BMP1: variants seen among roughly 807,000 people sequenced by gnomAD.
BMP1 encodes the protein mammalian tolloid protein.
BMP1 carries 63 observed loss-of-function variants against 116.8 expected under a neutral mutation model. That is an observed-to-expected ratio of 0.54 (90% CI 0.44 to 0.67). The LOEUF is 0.67. Among genes scored for constraint, BMP1 ranks in the 30% least tolerant of loss-of-function variants. BMP1 has a pLI of 0.00. For missense variants in BMP1, 1,183 were observed against 1,358.9 expected (o/e 0.87, Z 2.04); for synonymous variants, 536 against 533.4 (o/e 1.00, Z -0.07).
Position 22,180,503 on chromosome 8 carries a change from C to T in BMP1, c.1077+20C>T. The T allele has an allele frequency of 6.2e-7, 1 of 1,605,554 alleles. No individual in the cohort carries two copies. On this transcript the variant is annotated intron_variant, in intron 8 of 19. Transcript: ENST00000306385. ...GAGAAGGTACGTGTGGGCTCAGCCT[C>T]TGAGCCTCCCCCTCCCCTGCGGGTC...
rs372422280 is a variant in BMP1 at position 22,211,590 on chromosome 8, C to T, written c.2827-4C>T. 1.5e-4 allele frequency: 246 copies of T among 1,614,162 alleles called. No individual in the cohort carries two copies. The African/African-American group carries it at 2.8e-3, about 18-fold the overall frequency. On this transcript the variant is annotated splice_polypyrimidine_tract_variant and splice_region_variant and intron_variant, in intron 19 of 19. Coordinates refer to ENST00000306385, the MANE Select transcript of BMP1 (RefSeq NM_006129.5). The stretch of plus-strand genomic sequence containing the variant: ...CACCTTACCCCATCTCTTTTCTCTG[C>T]CAGCCTCCTGAGGAGGTGTACTCGG...
Position 22,206,871 on chromosome 8 carries a change from G to T in BMP1, c.2251G>T (p.Val751Leu). Residue 751 changes from valine (V) to leucine (L), a missense_variant, in exon 17 of 20, where the codon GTG becomes TTG. Val to Leu is a conservative substitution (Grantham distance 32). Transcript: ENST00000306385. ...CCCTGCAGCCGGCTGTGACCACAAG[G>T]TGACATCCACCAGTGGTACCATCAC... ...DCKEAGCDHK[V>L]TSTSGTITSP... The T allele has an allele frequency of 6.2e-7, 1 of 1,614,156 alleles. No individual in the cohort carries two copies. The highest frequency in any genetic ancestry group is 8.5e-7 in the Non-Finnish European group (1 of 1,180,010).
chr8:22,193,932 T>G, intron 9 of BMP1, 126 bp from the exon 10 acceptor site: 1 of 773,384 alleles, frequency 1.3e-6, no homozygotes, highest in Non-Finnish European at 2.2e-6. Context: ...GTATACAGTC[T>G]TGGGAATGTG....
chr8:22,207,728 C>T (rs376686480), intron 18 of BMP1, among the ~76,000 whole-genome samples: 89 of 152,130 alleles, frequency 5.9e-4, no homozygotes, highest in Non-Finnish European at 1.6e-4. Flanking sequence ...GCAGTGATGA[C>T]GATGGACAGG....
At chr8:22,201,541 G>A in intron 15 of BMP1, 1 of 1,415,122 alleles carries the variant, frequency 7.1e-7, no homozygotes, top group Non-Finnish European at 9.2e-7. Flanking sequence ...AGCAGGTAAT[G>A]GTGACCCATG....
intron 15 of BMP1, chr8:22,201,156 C>A (rs1319039923): frequency 6.2e-7 from 1 of 1,613,556 alleles, no homozygotes. Context: ...GGGACGCCCC[C>A]ACCAGCTCAA....
At chr8:22,184,913 G>C (rs1444407471) in intron 8 of BMP1, among the ~76,000 whole-genome samples, 1 of 152,226 alleles carries the variant, frequency 6.6e-6, no homozygotes, top group Non-Finnish European at 1.5e-5. Context: ...TTTGGCTGTG[G>C]GGAAGTTGTT....
At chr8:22,201,192 A>G (rs1829252902) in intron 15 of BMP1, 1 of 1,607,494 alleles carries the variant, frequency 6.2e-7, no homozygotes, top group South Asian at 1.1e-5. Context: ...AAGAAACCGG[A>G]CCCCCCAGTG....
In BMP1 at chr8:22,179,403, T is replaced by C. The variant is rs1828547155; in HGVS notation, c.837-302T>C. Among the ~76,000 whole-genome samples, 1 of 152,116 alleles carries C rather than the reference T, an allele frequency of 6.6e-6. No individual in the cohort carries two copies. The highest frequency in any genetic ancestry group is 6.5e-5 in the Admixed American group (1 of 15,288). On this transcript the variant is annotated intron_variant, in intron 6 of 19. Transcript: ENST00000306385. This position sits in a 1 kb window ranked among gnomAD's most constrained non-coding sequence, Gnocchi z 4.6. ...CTGTAGCTTTCCTGGGGCTGGGAGTTGTGGCCAGCCTGAGCTGGGAGCACC... is the reference window on the plus strand; with the variant it reads ...CTGTAGCTTTCCTGGGGCTGGGAGTCGTGGCCAGCCTGAGCTGGGAGCACC...
chr8:22,207,556 C>A, intron 18 of BMP1, 40 bp downstream of exon 18: 1 of 1,601,876 alleles, frequency 6.2e-7, no homozygotes, highest in South Asian at 1.1e-5. Flanking sequence ...TGAGCCTGGT[C>A]TCCAAGACTG....
chr8:22,165,832 G>C (rs896022124), intron 1 of BMP1, among the ~76,000 whole-genome samples: 2 of 151,668 alleles, frequency 1.3e-5, no homozygotes, highest in Non-Finnish European at 2.9e-5. Context: ...CGGCGGGCAA[G>C]GCGGCTTTTC....
At position 22,186,462 on chromosome 8, in the gene BMP1, G is replaced by A. The variant is rs1410560648; in HGVS notation, c.1078-5587G>A. On this transcript the variant is annotated intron_variant, in intron 8 of 19. Coordinates refer to ENST00000306385, the MANE Select transcript of BMP1 (RefSeq NM_006129.5). The stretch of plus-strand genomic sequence containing the variant: ...AACCTCTCTGTGCCTTTGTTTCCCC[G>A]TCTATCTATATATATATTTTTTTGA... 1.3e-5 allele frequency among the ~76,000 whole-genome samples: 2 copies of A among 151,970 alleles called. 1 individual carries two copies. The highest frequency in any genetic ancestry group is 4.2e-4 in the South Asian group (2 of 4,814).
chr8:22,201,682 C>T, intron 15 of BMP1, 121 bp from the exon 16 acceptor site: 2 of 1,498,284 alleles, frequency 1.3e-6, no homozygotes, highest in Non-Finnish European at 1.8e-6. Flanking sequence ...GCCTGGCCAG[C>T]TCTGCCAGCT....
intron 9 of BMP1, 25 bp downstream of exon 9, chr8:22,192,176 C>T (rs1478999844): frequency 1.9e-6 from 3 of 1,586,446 alleles, no homozygotes; most frequent in Non-Finnish European, 2.6e-6. Context: ...CACCCCCTGC[C>T]CCCTCCATGC....
chr8:22,169,943 C>T (rs1828228784), intron 1 of BMP1: 1 of 152,180 alleles, frequency 6.6e-6, no homozygotes, highest in Admixed American at 6.5e-5. Context: ...CTGACCGTGA[C>T]CCCAGGGCTT....
At chr8:22,166,971 G>A (rs1420080237) in intron 1 of BMP1, among the ~76,000 whole-genome samples, 1 of 152,182 alleles carries the variant, frequency 6.6e-6, no homozygotes, top group African/African-American at 2.4e-5. Flanking sequence ...GATCATGTCT[G>A]AACTGCCACT....
chr8:22,196,856 G>C lies in BMP1; in HGVS notation c.1926+16G>C. ...GGGCAATGATGTAAGTGCCCACCAG[G>C]GGCTGAGGTGGGGCAGGAAGCTGTG... On this transcript the variant is annotated intron_variant, in intron 14 of 19. Coordinates refer to ENST00000306385, the MANE Select transcript of BMP1 (RefSeq NM_006129.5). 6.2e-7 allele frequency: 1 copy of C among 1,602,384 alleles called. No homozygotes were observed. Among genetic ancestry groups the C allele is most frequent in the Non-Finnish European group, 8.5e-7 (1 of 1,172,474 alleles).
At chr8:22,174,443 A>G (rs1288645691) in intron 2 of BMP1, among the ~76,000 whole-genome samples, 2 of 152,000 alleles carry the variant, frequency 1.3e-5, no homozygotes, top group African/African-American at 4.8e-5. Context: ...TTGTGCATGG[A>G]TACAGGAATG....
chr8:22,196,416 T>A (rs1226102731), intron 13 of BMP1: 11 of 600,408 alleles, frequency 1.8e-5, no homozygotes, highest in Non-Finnish European at 3.3e-5. Context: ...TGGAGGACCT[T>A]GGCCTGTTCA....
Sources: allele counts gnomAD v4.1 joint callset (sites outside exome capture counted in the v4.1 genomes callset), GRCh38; gene constraint gnomAD v4.1.1; non-coding constraint Gnocchi (gnomAD v3.1); transcripts MANE v1.5; gene names NCBI Gene and HGNC (gene_info 2026-07-23, HGNC 2026-07-21).